The following FOXP1 variants were observed in gnomAD, a reference collection of about 807,000 sequenced individuals.
FOXP1 encodes the protein forkhead box protein P1.
In FOXP1, 15 loss-of-function variants were observed where a neutral mutation model predicts 98.2. That is an observed-to-expected ratio of 0.15 (90% CI 0.10 to 0.24). FOXP1 has a LOEUF of 0.24. Ranked by LOEUF, FOXP1 falls within the 10% of genes least tolerant of loss-of-function variation. The pLI, the probability that FOXP1 is intolerant of heterozygous loss-of-function variation, is 1.00. For missense variants in FOXP1, 633 were observed against 848.5 expected (o/e 0.75, Z 3.15); for synonymous variants, 371 against 314.5 (o/e 1.18, Z -1.90).
At chr3:71,369,099 T>TG (rs1408906630) in intron 3 of FOXP1, among the ~76,000 whole-genome samples, 1 of 151,856 alleles carries the variant, frequency 6.6e-6, no homozygotes, top group African/African-American at 2.4e-5. Flanking sequence ...TTTTTTGAAA[T>TG]GGAGTCTCAG....
rs1006541734 is a variant in FOXP1, at chr3:71,191,644, A to G, written c.180+6558T>C. Among the ~76,000 whole-genome samples, 6 of 152,356 alleles carry G rather than the reference A, an allele frequency of 3.9e-5. No homozygotes were observed. In the East Asian group the frequency reaches 1.2e-3, roughly 29 times the overall value. ...ACAAGTTACATAAATCTTTGACAACAATATTTTGATGGAAGGCAGGTCTAA... is the reference window on the plus strand; with the variant it reads ...ACAAGTTACATAAATCTTTGACAACGATATTTTGATGGAAGGCAGGTCTAA... On this transcript the variant is annotated intron_variant, in intron 6 of 20. Coordinates refer to ENST00000649528, the MANE Select transcript of FOXP1 (RefSeq NM_001349338.3).
At chr3:71,499,900 G>C (rs753703873) in intron 2 of FOXP1, among the ~76,000 whole-genome samples, 4 of 152,100 alleles carry the variant, frequency 2.6e-5, no homozygotes, top group African/African-American at 4.8e-5. Flanking sequence ...TCATAGGCTA[G>C]GAAAAGAAGA....
chr3:71,321,282 C>T lies in FOXP1; in HGVS notation c.-72-21402G>A, dbSNP rs1159513891. Among the ~76,000 whole-genome samples the T allele has an allele frequency of 4.6e-5, 7 of 152,192 alleles. No individual in the cohort carries two copies. In the South Asian group the frequency reaches 6.2e-4, roughly 14 times the overall value. On this transcript the variant is annotated intron_variant, in intron 4 of 20. Coordinates refer to ENST00000649528, the MANE Select transcript of FOXP1 (RefSeq NM_001349338.3). ...TTCCCACTTTGACAAAATCAAACTT[C>T]GCAGTTGGCCTTCAAAACAGTGTGG... is the stretch of plus-strand genomic sequence containing the variant.
rs191902182 is a variant in FOXP1, at chr3:70,956,351, T to C, written c.*2896A>G. Reference sequence around the variant, plus strand: ...TTGCTTGCTGTAAAGCCTGAGAATTTTTTTTTCAGTTGGTTCTTCTGCAAG... The same window carrying C: ...TTGCTTGCTGTAAAGCCTGAGAATTCTTTTTTCAGTTGGTTCTTCTGCAAG... On this transcript the variant is annotated 3_prime_UTR_variant, in exon 21 of 21. Coordinates refer to ENST00000649528, the MANE Select transcript of FOXP1 (RefSeq NM_001349338.3). 63 of 233,418 alleles carry C rather than the reference T, an allele frequency of 2.7e-4. 1 individual carries two copies. The highest frequency in any genetic ancestry group is 2.4e-3 in the Admixed American group (43 of 17,788). 14.5% of individuals were successfully genotyped at this position (233,418 alleles called of 1,614,324 possible).
chr3:71,438,457 A>T (rs1468273328), intron 3 of FOXP1, among the ~76,000 whole-genome samples: 1 of 152,012 alleles, frequency 6.6e-6, no homozygotes, highest in Non-Finnish European at 1.5e-5. Flanking sequence ...ATCTCGGCTG[A>T]CTCTCCATCC....
intron 5 of FOXP1, among the ~76,000 whole-genome samples, chr3:71,235,125 G>A (rs1336173512): frequency 1.1e-5 from 1 of 93,360 alleles, no homozygotes; most frequent in African/African-American, 4.2e-5. Context: ...CATTTATTCT[G>A]ATGGGGAAAA....
At chr3:71,353,512 A>G (rs1481652572) in intron 4 of FOXP1, among the ~76,000 whole-genome samples, 1 of 152,110 alleles carries the variant, frequency 6.6e-6, no homozygotes, top group Non-Finnish European at 1.5e-5. Flanking sequence ...TTTGACTGAA[A>G]CTTACTGGAT....
chr3:71,222,403 C>A lies in FOXP1; in HGVS notation c.-11-24011G>T, dbSNP rs148656993. 3.7e-4 allele frequency among the ~76,000 whole-genome samples: 56 copies of A among 152,164 alleles called. No homozygotes were observed. In the East Asian group the frequency reaches 9.9e-3, roughly 27 times the overall value. The stretch of plus-strand genomic sequence containing the variant: ...CAGCCTGATTCAAAAACCCTTCACT[C>A]CCTTGGTATTTTTATTTTTATTTTT... On this transcript the variant is annotated intron_variant, in intron 5 of 20. Transcript: ENST00000649528.
chr3:71,325,606 G>C (rs937688966), intron 4 of FOXP1, among the ~76,000 whole-genome samples: 6 of 152,076 alleles, frequency 3.9e-5, no homozygotes, highest in Non-Finnish European at 8.8e-5. Flanking sequence ...GGCCCTTGAA[G>C]CAGCCTTCAT....
chr3:71,205,513 A>G (rs2108430620), intron 5 of FOXP1, among the ~76,000 whole-genome samples: 1 of 152,336 alleles, frequency 6.6e-6, no homozygotes, highest in East Asian at 1.9e-4. Flanking sequence ...TGTTTTAAAA[A>G]AAAACAAAAC....
At chr3:71,397,103 T>TATATATATATGTGTATATATATATACAC (rs1560425933) in intron 3 of FOXP1, among the ~76,000 whole-genome samples, 1 of 70,748 alleles carries the variant, frequency 1.4e-5, no homozygotes, top group African/African-American at 4.7e-5. Flanking sequence ...TATATATACA[T>TATATATATATGTGTATATATATATACAC]ATATATATAT....
At chr3:71,182,615 G>C (rs966602646) in intron 6 of FOXP1, among the ~76,000 whole-genome samples, 1 of 149,398 alleles carries the variant, frequency 6.7e-6, no homozygotes, top group Non-Finnish European at 1.5e-5. Context: ...TGCAGTCTCA[G>C]CCTCCTGGGG....
chr3:71,415,033 T>C (rs932985008), intron 3 of FOXP1, among the ~76,000 whole-genome samples: 3 of 152,132 alleles, frequency 2.0e-5, no homozygotes, highest in Admixed American at 2.0e-4. Flanking sequence ...CTAAGAAAAA[T>C]CTAGGTACTT....
chr3:71,498,319 C>G (rs1268082797), intron 2 of FOXP1, among the ~76,000 whole-genome samples: 2 of 152,206 alleles, frequency 1.3e-5, no homozygotes, highest in African/African-American at 4.8e-5. Flanking sequence ...GTACAAAAGT[C>G]TGCAGGGAGC....
chr3:70,980,890 C>G (rs962774494), intron 14 of FOXP1, among the ~76,000 whole-genome samples: 7 of 152,168 alleles, frequency 4.6e-5, no homozygotes, highest in African/African-American at 1.7e-4. Context: ...CTCGGCTTCT[C>G]TTTTCAGTTT....
chr3:71,112,386 A>C, intron 7 of FOXP1, 150 bp downstream of exon 7: 1 of 668,322 alleles, frequency 1.5e-6, no homozygotes, highest in Non-Finnish European at 2.6e-6. Context: ...TTTTCCCCAA[A>C]ATGTTACAAC....
At chr3:71,110,656 C>T (rs1029448418) in intron 7 of FOXP1, among the ~76,000 whole-genome samples, 4 of 152,224 alleles carry the variant, frequency 2.6e-5, no homozygotes, top group Non-Finnish European at 5.9e-5. Flanking sequence ...GTTATGGAAT[C>T]TGCAATGTGG....
chr3:71,134,899 T>C (rs541135572), intron 6 of FOXP1, among the ~76,000 whole-genome samples: 2 of 152,260 alleles, frequency 1.3e-5, no homozygotes, highest in East Asian at 1.9e-4. Context: ...AATAACTGCA[T>C]AGAACTTCCC....
intron 3 of FOXP1, among the ~76,000 whole-genome samples, chr3:71,466,767 G>C (rs919260367): frequency 1.3e-5 from 2 of 152,206 alleles, no homozygotes; most frequent in Non-Finnish European, 2.9e-5. Context: ...AGGTCACAAA[G>C]AGCACTGCCT....
Sources: allele counts gnomAD v4.1 joint callset (sites outside exome capture counted in the v4.1 genomes callset), GRCh38; gene constraint gnomAD v4.1.1; transcripts MANE v1.5; gene names NCBI Gene and HGNC (gene_info 2026-07-23, HGNC 2026-07-21).